PSME4: variants seen among roughly 807,000 people sequenced by gnomAD.
PSME4 encodes the protein proteasome activator subunit 4.
Under a neutral mutation model 253.9 loss-of-function variants are expected in PSME4, and 89 were observed. The ratio of observed to expected loss-of-function variants is 0.35; its 90% confidence interval spans 0.30 to 0.42. The LOEUF (loss-of-function observed/expected upper bound fraction) is 0.42, where lower values mean the gene tolerates loss of function less well. PSME4 is among the 10% of genes least tolerant of loss of function. PSME4 has a pLI of 1.00. For synonymous variants in PSME4, 851 were observed against 759.2 expected (o/e 1.12, Z -1.99); for missense variants, 2,014 against 2,195.2 (o/e 0.92, Z 1.65).
In PSME4 at chr2:53,922,530, T is replaced by G; in HGVS notation, c.2033A>C (p.Gln678Pro). The change falls in exon 17 of 47, where the codon CAA becomes CCA. Residue 678 changes from glutamine (Q) to proline (P), a missense_variant. Gln to Pro is a moderately conservative substitution (Grantham distance 76). Transcript: ENST00000404125. ...ELDKELLWNL[Q>P]LLSEITRVDG... ...GATTTACAATACCTCAGACAAAAGT[T>G]GAAGATTCCATAGTAATTCCTTGTC... 6.2e-7 allele frequency: 1 copy of G among 1,612,702 alleles called. No individual in the cohort carries two copies. The highest frequency in any genetic ancestry group is 8.5e-7 in the Non-Finnish European group (1 of 1,179,510).
rs1341348860 is a variant in PSME4, at chr2:53,913,571, G to A, written c.2517-3441C>T. Among the ~76,000 whole-genome samples the A allele has an allele frequency of 2.6e-5, 4 of 152,188 alleles. 1 individual carries two copies. Among genetic ancestry groups the A allele is most frequent in the South Asian group, 4.1e-4 (2 of 4,820 alleles). ...ATAAACATAAAAGATGTAAAACCAA[G>A]CCACTAATAGATTTTTTCCCTTCAA... On this transcript the variant is annotated intron_variant, in intron 20 of 46. Coordinates refer to ENST00000404125, the MANE Select transcript of PSME4 (RefSeq NM_014614.3).
chr2:53,886,914 GACTTATGATTCA>G (rs1679665662), intron 40 of PSME4, among the ~76,000 whole-genome samples: 2 of 152,136 alleles, frequency 1.3e-5, no homozygotes, highest in African/African-American at 4.8e-5. Context: ...ACACAAAAAA[GACTTATGATTCA>G]ACTTATGTGA....
chr2:53,951,351 G>T (rs192430423), intron 1 of PSME4, among the ~76,000 whole-genome samples: 1 of 152,330 alleles, frequency 6.6e-6, no homozygotes, highest in African/African-American at 2.4e-5. Flanking sequence ...CAAAGTGCTG[G>T]GATTATAGGC....
chr2:53,951,915 C>A (rs1271816806), intron 1 of PSME4, among the ~76,000 whole-genome samples: 3 of 152,142 alleles, frequency 2.0e-5, no homozygotes, highest in South Asian at 4.1e-4. Context: ...AGATCCTACA[C>A]CCAAATATAT....
intron 3 of PSME4, among the ~76,000 whole-genome samples, chr2:53,946,064 A>T (rs1669685097): frequency 6.6e-6 from 1 of 152,224 alleles, no homozygotes; most frequent in Non-Finnish European, 1.5e-5. Flanking sequence ...TGGTAAACAT[A>T]ATCAATAAGC....
Position 53,960,585 on chromosome 2 carries a change from C to G in PSME4, c.242+9958G>C, listed in dbSNP as rs140986416. Reference sequence around the variant, plus strand: ...TGATTTCAACCAGTAGCCAAGTAAGCAGGAACAGCATGGTTCTACAACTCT... The same window carrying G: ...TGATTTCAACCAGTAGCCAAGTAAGGAGGAACAGCATGGTTCTACAACTCT... On this transcript the variant is annotated intron_variant, in intron 1 of 46. Coordinates refer to ENST00000404125, the MANE Select transcript of PSME4 (RefSeq NM_014614.3). Among the ~76,000 whole-genome samples, 1,207 of 152,268 alleles carry G rather than the reference C, an allele frequency of 7.9e-3. 19 individuals are homozygous for G. The highest frequency in any genetic ancestry group is 0.027 in the African/African-American group (1,142 of 41,546).
intron 1 of PSME4, among the ~76,000 whole-genome samples, chr2:53,967,509 G>T (rs1245212662): frequency 6.6e-6 from 1 of 151,750 alleles, no homozygotes; most frequent in African/African-American, 2.4e-5. Flanking sequence ...AGGCGTGGCA[G>T]CGCACAACTG....
At chr2:53,910,530 T>TA (rs1326487871) in intron 20 of PSME4, among the ~76,000 whole-genome samples, 1 of 152,202 alleles carries the variant, frequency 6.6e-6, no homozygotes, top group Admixed American at 6.5e-5. Context: ...ACCTTCCTCT[T>TA]AAAATCAGTC....
chr2:53,949,596 C>A (rs115660490), intron 1 of PSME4, among the ~76,000 whole-genome samples: 5,751 of 152,034 alleles, frequency 0.038, 139 homozygotes, highest in Non-Finnish European at 0.056. Flanking sequence ...AGAAGGAAAT[C>A]CAGTCATAAG....
chr2:53,908,926 A>C, intron 21 of PSME4, 86 bp from the exon 22 acceptor site: 1 of 1,025,022 alleles, frequency 9.8e-7, no homozygotes, highest in Non-Finnish European at 1.5e-6. Context: ...TAGGTCAAGG[A>C]GGGATAAAGT....
At chr2:53,883,841 C>CCACTATTCCACTGAACTCTGCTG (rs954214250) in intron 41 of PSME4, among the ~76,000 whole-genome samples, 1 of 151,842 alleles carries the variant, frequency 6.6e-6, no homozygotes, top group African/African-American at 2.4e-5. Flanking sequence ...TAAGTTTGTA[C>CCACTATTCCACTGAACTCTGCTG]CACTATTCCA....
chr2:53,907,502 C>A (rs1388592578), intron 24 of PSME4, among the ~76,000 whole-genome samples: 4 of 152,106 alleles, frequency 2.6e-5, no homozygotes, highest in Non-Finnish European at 5.9e-5. Context: ...CAGTTTAACT[C>A]CCTTTCTTGC....
chr2:53,882,963 A>C (rs1018776672), intron 41 of PSME4, among the ~76,000 whole-genome samples: 1 of 152,200 alleles, frequency 6.6e-6, no homozygotes, highest in South Asian at 2.1e-4. Flanking sequence ...GTTATCATAC[A>C]CAATTAGTCT....
intron 27 of PSME4, 55 bp from the exon 28 acceptor site, chr2:53,901,614 G>C: frequency 6.9e-7 from 1 of 1,439,194 alleles, no homozygotes; most frequent in South Asian, 1.2e-5. Context: ...GCATCATGTA[G>C]TTGTAGCCAA....
At chr2:53,888,453 C>G (rs1198066990) in intron 38 of PSME4, 1 of 346,896 alleles carries the variant, frequency 2.9e-6, no homozygotes, top group Non-Finnish European at 5.2e-6. Context: ...GTACAAAAGA[C>G]AATTCTGATA....
chr2:53,912,236 C>T (rs1667858013), intron 20 of PSME4, among the ~76,000 whole-genome samples: 1 of 152,024 alleles, frequency 6.6e-6, no homozygotes, highest in Non-Finnish European at 1.5e-5. Context: ...TATGTGAGCT[C>T]TACAGGGCCT....
chr2:53,949,331 C>T, intron 1 of PSME4, 48 bp from the exon 2 acceptor site: 1 of 1,246,652 alleles, frequency 8.0e-7, no homozygotes, highest in Non-Finnish European at 1.1e-6. Context: ...TATGATGACA[C>T]ATCCATGTTC....
chr2:53,921,169 C>A (rs904830605), intron 17 of PSME4, 65 bp from the exon 18 acceptor site: 3 of 1,598,056 alleles, frequency 1.9e-6, no homozygotes, highest in Non-Finnish European at 2.5e-6. Flanking sequence ...ATCATTAATG[C>A]AAAGTTCAAT....
chr2:53,890,753 T>C, intron 36 of PSME4, among the ~76,000 whole-genome samples: 1 of 152,106 alleles, frequency 6.6e-6, no homozygotes. Context: ...CTTGGCTGGG[T>C]GCAGTGGCTC....
Sources: gnomAD v4.1 joint callset for allele counts (sites outside exome capture counted in the v4.1 genomes callset) on GRCh38, gnomAD v4.1.1 for gene constraint, MANE v1.5 for transcripts, NCBI Gene and HGNC (gene_info 2026-07-23, HGNC 2026-07-21) for gene names.